LRRTM4: variants seen among roughly 807,000 people sequenced by gnomAD.
The protein encoded by LRRTM4 is leucine-rich repeat transmembrane neuronal protein 4.
LRRTM4 carries 25 observed loss-of-function variants against 47.6 expected under a neutral mutation model. That is an observed-to-expected ratio of 0.53 (90% CI 0.38 to 0.73). The LOEUF (loss-of-function observed/expected upper bound fraction) is 0.73, where lower values mean the gene tolerates loss of function less well. LRRTM4 is among the 30% of genes least tolerant of loss of function. The probability of loss-of-function intolerance (pLI) is 0.00; values close to 1 mark genes in which losing one functional copy is unlikely to be tolerated. For synonymous variants in LRRTM4, 311 were observed against 269.5 expected, an observed-to-expected ratio of 1.15 and a Z score of -1.51; for missense variants, 638 against 713.4, an observed-to-expected ratio of 0.89 and a Z score of 1.20.
chr2:77,066,618 C>T (rs949006101), intron 3 of LRRTM4, among the ~76,000 whole-genome samples: 1 of 152,122 alleles, frequency 6.6e-6, no homozygotes, highest in Admixed American at 6.5e-5. Flanking sequence ...GAAAAAAGAT[C>T]AAAGGCCCTT....
chr2:77,521,257 G>A (rs1420991571), intron 2 of LRRTM4, among the ~76,000 whole-genome samples: 2 of 151,906 alleles, frequency 1.3e-5, no homozygotes, highest in South Asian at 2.1e-4. Flanking sequence ...TGCAACCTCT[G>A]ATAAAGTAAG....
intron 3 of LRRTM4, among the ~76,000 whole-genome samples, chr2:77,049,416 A>G (rs1340264287): frequency 4.0e-5 from 6 of 151,552 alleles, no homozygotes; most frequent in African/African-American, 1.2e-4. Flanking sequence ...ATTCCCACCA[A>G]CAGTGTATAA....
chr2:77,288,802 T>C (rs926283546), intron 3 of LRRTM4, among the ~76,000 whole-genome samples: 3 of 152,030 alleles, frequency 2.0e-5, no homozygotes, highest in Non-Finnish European at 2.9e-5. Flanking sequence ...TCCCAGACTT[T>C]CTTGCAATTA....
chr2:77,198,146 A>G (rs960074644), intron 3 of LRRTM4, among the ~76,000 whole-genome samples: 1 of 152,150 alleles, frequency 6.6e-6, no homozygotes. Flanking sequence ...TGATCACTGC[A>G]TGTTCTACAA....
intron 3 of LRRTM4, among the ~76,000 whole-genome samples, chr2:76,796,668 AT>A (rs2103745663): frequency 8.7e-6 from 1 of 115,102 alleles, no homozygotes; most frequent in Admixed American, 8.6e-5. Context: ...GTGCATCACC[AT>A]CATCAAAGAC....
intron 3 of LRRTM4, among the ~76,000 whole-genome samples, chr2:77,074,399 T>C (rs1573533495): frequency 6.6e-6 from 1 of 152,134 alleles, no homozygotes; most frequent in Non-Finnish European, 1.5e-5. Flanking sequence ...TTTTTTCTGT[T>C]GAAACTGACT....
chr2:77,315,886 G>A (rs935950232), intron 3 of LRRTM4, among the ~76,000 whole-genome samples: 3 of 152,154 alleles, frequency 2.0e-5, no homozygotes, highest in Non-Finnish European at 2.9e-5. Flanking sequence ...GCTCCAATTT[G>A]TCAAACTACC....
In LRRTM4 at chr2:77,164,711, C is replaced by A. The variant is rs145742458; in HGVS notation, c.1551+353607G>T. On this transcript the variant is annotated intron_variant, in intron 3 of 3. Coordinates refer to ENST00000409884, the MANE Select transcript of LRRTM4 (RefSeq NM_001134745.3). ...AACTGAACAACCTGCTCCTGAATGACTACTGGTTAAATAACAAAATGCGGG... is the reference window on the plus strand; with the variant it reads ...AACTGAACAACCTGCTCCTGAATGAATACTGGTTAAATAACAAAATGCGGG... Among the ~76,000 whole-genome samples the A allele has an allele frequency of 5.2e-3, 795 of 152,310 alleles. 10 individuals are homozygous for A. Among genetic ancestry groups the A allele is most frequent in the African/African-American group, 0.019 (770 of 41,570 alleles).
intron 3 of LRRTM4, among the ~76,000 whole-genome samples, chr2:77,493,193 C>T (rs912183731): frequency 6.6e-6 from 1 of 151,722 alleles, no homozygotes; most frequent in Middle Eastern, 3.2e-3. Flanking sequence ...GTTCATTATG[C>T]AACAAGAAAG....
intron 3 of LRRTM4, among the ~76,000 whole-genome samples, chr2:77,080,363 A>T (rs981470474): frequency 6.6e-6 from 1 of 152,088 alleles, no homozygotes; most frequent in Non-Finnish European, 1.5e-5. Flanking sequence ...CAGTCTGCAC[A>T]CTCTCACTGT....
At chr2:77,148,204 G>A (rs898671368) in intron 3 of LRRTM4, among the ~76,000 whole-genome samples, 2 of 152,066 alleles carry the variant, frequency 1.3e-5, no homozygotes, top group African/African-American at 4.8e-5. Context: ...TAGGTAATTA[G>A]CTTTTCCTTG....
chr2:77,220,390 C>A (rs4263134), intron 3 of LRRTM4, among the ~76,000 whole-genome samples: 104,982 of 152,016 alleles, frequency 0.69, 36,931 homozygotes, highest in African/African-American at 0.84. Flanking sequence ...AGAAGGCTTC[C>A]GAAGATCAAA....
intron 3 of LRRTM4, among the ~76,000 whole-genome samples, chr2:77,466,791 T>C (rs1355075795): frequency 2.0e-5 from 3 of 150,588 alleles, no homozygotes; most frequent in Non-Finnish European, 4.4e-5. Flanking sequence ...CTCCACTTCC[T>C]GGGTTAAATT....
chr2:77,100,750 T>C (rs1267515996), intron 3 of LRRTM4, among the ~76,000 whole-genome samples: 1 of 151,952 alleles, frequency 6.6e-6, no homozygotes, highest in African/African-American at 2.4e-5. Context: ...TTGTTAAATA[T>C]AATAATGGTA....
At chr2:77,119,401 T>C (rs1471679291) in intron 3 of LRRTM4, among the ~76,000 whole-genome samples, 1 of 151,858 alleles carries the variant, frequency 6.6e-6, no homozygotes, top group Non-Finnish European at 1.5e-5. Flanking sequence ...ACATTGCAGT[T>C]TGGGAGCAAA....
intron 3 of LRRTM4, among the ~76,000 whole-genome samples, chr2:77,007,835 A>G (rs1177864256): frequency 1.3e-5 from 2 of 151,958 alleles, no homozygotes; most frequent in African/African-American, 4.8e-5. Flanking sequence ...TCAGCTGCTG[A>G]GTACAACTCC....
intron 3 of LRRTM4, among the ~76,000 whole-genome samples, chr2:77,052,940 A>C (rs945284757): frequency 6.6e-6 from 1 of 152,110 alleles, no homozygotes; most frequent in Non-Finnish European, 1.5e-5. Flanking sequence ...AGGCCCATTC[A>C]ATAATTCTTG....
At chr2:77,424,666 G>A (rs1236675610) in intron 3 of LRRTM4, among the ~76,000 whole-genome samples, 3 of 152,138 alleles carry the variant, frequency 2.0e-5, no homozygotes, top group African/African-American at 7.2e-5. Context: ...CTTTAGTGAT[G>A]ATTGTACAAT....
intron 3 of LRRTM4, among the ~76,000 whole-genome samples, chr2:77,365,586 A>C (rs771120253): frequency 7.2e-5 from 11 of 151,898 alleles, no homozygotes; most frequent in African/African-American, 2.7e-4. Context: ...TTATCAATAT[A>C]TAAATACAAA....
Sources: gnomAD v4.1 joint callset for allele counts (sites outside exome capture counted in the v4.1 genomes callset) on GRCh38, gnomAD v4.1.1 for gene constraint, MANE v1.5 for transcripts, NCBI Gene and HGNC (gene_info 2026-07-23, HGNC 2026-07-21) for gene names.